The following IL12RB1 variants were observed in gnomAD, a reference collection of about 807,000 sequenced individuals.
The protein encoded by IL12RB1 is interleukin 12 receptor subunit beta 1, also known as interleukin-12 receptor subunit beta-1.
IL12RB1 carries 64 observed loss-of-function variants against 94.4 expected under a neutral mutation model. The ratio of observed to expected loss-of-function variants is 0.68; its 90% CI spans 0.55 to 0.83. The LOEUF is 0.83. Among genes scored for constraint, IL12RB1 ranks in the 40% least tolerant of loss-of-function variants. The pLI is 0.00. For missense variants in IL12RB1, 814 were observed against 855.6 expected, an observed-to-expected ratio of 0.95 and a Z score of 0.61; for synonymous variants, 362 against 355.5, an observed-to-expected ratio of 1.02 and a Z score of -0.21.
chr19:18,097,882 C>A, intron 1 of IL12RB1: 3 of 1,214,058 alleles, frequency 2.5e-6, no homozygotes, highest in Non-Finnish European at 3.1e-6. Flanking sequence ...GCCAAGTGGA[C>A]GCGGCCTGAA....
chr19:18,080,810 G>T, intron 4 of IL12RB1, 22 bp downstream of exon 4: 2 of 1,550,390 alleles, frequency 1.3e-6, no homozygotes, highest in Non-Finnish European at 1.8e-6. Context: ...AAAAACGGAC[G>T]GGGGGAGAAC....
intron 5 of IL12RB1, among the ~76,000 whole-genome samples, chr19:18,077,160 C>T (rs1277406230): frequency 6.6e-6 from 1 of 152,146 alleles, no homozygotes; most frequent in Non-Finnish European, 1.5e-5. Context: ...GAGTTTGAGA[C>T]CAGCCTGGCC....
At chr19:18,079,254 C>T (rs1044826724) in intron 4 of IL12RB1, among the ~76,000 whole-genome samples, 1 of 151,840 alleles carries the variant, frequency 6.6e-6, no homozygotes, top group Non-Finnish European at 1.5e-5. Context: ...CAGGCGCCCG[C>T]CACCACACTC....
chr19:18,086,410 A>G (rs2036345267), intron 1 of IL12RB1, among the ~76,000 whole-genome samples: 2 of 152,184 alleles, frequency 1.3e-5, no homozygotes, highest in Non-Finnish European at 2.9e-5. Flanking sequence ...ATGACTGTAT[A>G]CATTATATTA....
intron 15 of IL12RB1, 117 bp from the exon 16 acceptor site, chr19:18,060,202 G>A (rs1463681458): frequency 1.6e-6 from 1 of 634,008 alleles, no homozygotes. Context: ...GACCTGGACG[G>A]GTGCAGTGGC....
intron 1 of IL12RB1, among the ~76,000 whole-genome samples, chr19:18,084,951 C>A (rs767373445): frequency 1.3e-5 from 2 of 152,186 alleles, no homozygotes; most frequent in Non-Finnish European, 2.9e-5. Context: ...GGGTGCATGG[C>A]AGGGAGAGGC....
upstream of IL12RB1, among the ~76,000 whole-genome samples, chr19:18,089,200 G>C (rs747882077): frequency 6.6e-6 from 1 of 152,128 alleles, no homozygotes; most frequent in Non-Finnish European, 1.5e-5. Context: ...GGGGGGAGGC[G>C]GGAGTGAGAA....
chr19:18,067,326 GAAAAA>G (rs57327846), intron 11 of IL12RB1, among the ~76,000 whole-genome samples: 9,663 of 82,354 alleles, frequency 0.12, 1,056 homozygotes, highest in African/African-American at 0.4. Context: ...TCTGTCTCAA[GAAAAA>G]AAAAAAAAAA....
chr19:18,060,383 G>A (rs2034034490), intron 15 of IL12RB1, among the ~76,000 whole-genome samples: 1 of 152,134 alleles, frequency 6.6e-6, no homozygotes, highest in African/African-American at 2.4e-5. Flanking sequence ...GGAGGCTGAA[G>A]CAGGAGAATC....
rs145590794 is a variant in IL12RB1, at chr19:18,060,064, C to A, written c.1813G>T (p.Val605Leu). The A allele has an allele frequency of 2.4e-3, 3,770 of 1,603,074 alleles. 5 individuals carry two copies. The highest frequency in any genetic ancestry group is 2.7e-3 in the Non-Finnish European group (3,124 of 1,171,420). The change falls in exon 16 of 17, where the codon GTG becomes TTG. Residue 605 changes from valine (V) to leucine (L), a missense_variant. By Grantham distance (32) the Val-to-Leu change is conservative. Transcript: ENST00000593993. The part of the protein sequence containing the change: ...GKETWQWINP[V>L]DFQEEASLQE... ...AGGGATGCCTCTTCCTGGAAGTCCA[C>A]TGGGTTGATCCACTGCCAAGTCTGC...
In IL12RB1 at chr19:18,061,214, AC is replaced by A; in HGVS notation, c.1716-18del. ...CGTGCGGCCCTGGGGAGGAAAGGGG[AC>A]CAGTGAGAGGAGCTGAGGTTTTTTT... On this transcript the variant is annotated intron_variant, in intron 14 of 16. Transcript: ENST00000593993. The A allele has an allele frequency of 2.1e-6, 3 of 1,395,488 alleles. No individual in the cohort carries two copies. The highest frequency in any genetic ancestry group is 1.5e-5 in the African/African-American group (1 of 68,518). 86.4% of individuals were successfully genotyped at this position (1,395,488 alleles called of 1,614,324 possible). A position where few individuals can be genotyped will look rare whatever the true frequency, so the allele number is the denominator to read the frequency against.
chr19:18,097,668 G>A, intron 1 of IL12RB1: 1 of 531,106 alleles, frequency 1.9e-6, no homozygotes, highest in Non-Finnish European at 2.7e-6. Context: ...CCTGTGGTCG[G>A]GCTCCCCGGG....
upstream of IL12RB1, chr19:18,090,911 A>C (rs2036597734): frequency 6.5e-6 from 1 of 152,738 alleles, no homozygotes. Flanking sequence ...GAGGAGGGAC[A>C]CTTGAGCTAG....
upstream of IL12RB1, among the ~76,000 whole-genome samples, chr19:18,088,425 G>A (rs899243551): frequency 1.6e-5 from 2 of 125,964 alleles, no homozygotes; most frequent in African/African-American, 6.0e-5. Context: ...TTAGCCAGTC[G>A]TGGTGGCACA....
At chr19:18,080,650 T>C (rs1384857977) in intron 4 of IL12RB1, among the ~76,000 whole-genome samples, 182 bp downstream of exon 4, 2 of 152,020 alleles carry the variant, frequency 1.3e-5, no homozygotes, top group Non-Finnish European at 2.9e-5. Flanking sequence ...GAATAGGGGA[T>C]TGGTAAGGGG....
At chr19:18,093,291 G>A (rs557249023) in intron 1 of IL12RB1, among the ~76,000 whole-genome samples, 24 of 150,802 alleles carry the variant, frequency 1.6e-4, no homozygotes, top group African/African-American at 5.4e-4. Context: ...GGCCAACAGA[G>A]CTGGACTTTT....
At chr19:18,076,726 C>A (rs1224475542) in intron 5 of IL12RB1, among the ~76,000 whole-genome samples, 1 of 152,024 alleles carries the variant, frequency 6.6e-6, no homozygotes, top group Admixed American at 6.6e-5. Context: ...AAATTAAAGA[C>A]CATACTTCCA....
At chr19:18,098,211 TTAA>T (rs2146697321) in intron 1 of IL12RB1, among the ~76,000 whole-genome samples, 1 of 152,306 alleles carries the variant, frequency 6.6e-6, no homozygotes, top group African/African-American at 2.4e-5. Context: ...TTCATATGTA[TTAA>T]TACCTCCTTG....
chr19:18,059,850 G>C, intron 16 of IL12RB1, 44 bp downstream of exon 16: 5 of 1,047,160 alleles, frequency 4.8e-6, no homozygotes, highest in Non-Finnish European at 7.3e-6. Flanking sequence ...CACCCCCCGG[G>C]CAGGGTTGCA....
Sources: gnomAD v4.1 joint callset for allele counts (sites outside exome capture counted in the v4.1 genomes callset) on GRCh38, gnomAD v4.1.1 for gene constraint, MANE v1.5 for transcripts, NCBI Gene and HGNC (gene_info 2026-07-23, HGNC 2026-07-21) for gene names.